ZSCAN25: variants seen among roughly 807,000 people sequenced by gnomAD.
The protein encoded by ZSCAN25 is zinc finger and SCAN domain containing 25, also known as zinc finger and SCAN domain-containing protein 25.
ZSCAN25 carries 27 observed loss-of-function variants against 38.7 expected under a neutral mutation model. The ratio of observed to expected loss-of-function variants is 0.70; its 90% CI spans 0.51 to 0.96. The LOEUF (loss-of-function observed/expected upper bound fraction) is 0.96. ZSCAN25 is among the 40% of genes least tolerant of loss of function. The pLI is 0.00. For synonymous variants in ZSCAN25, 273 were observed against 277.7 expected (o/e 0.98, Z 0.17); for missense variants, 637 against 705.9 (o/e 0.90, Z 1.11).
chr7:99,714,907 T>C, the ZSCAN25 span, among the ~76,000 whole-genome samples: 2 of 152,296 alleles, frequency 1.3e-5, no homozygotes, highest in African/African-American at 4.8e-5. Context: ...AGCAGCCCCT[T>C]CTGCATCTTT....
chr7:99,629,667 G>A lies in ZSCAN25; in HGVS notation c.1282G>A (p.Glu428Lys). The A allele has an allele frequency of 6.2e-7, 1 of 1,614,102 alleles. No homozygotes were observed. Among genetic ancestry groups the A allele is most frequent in the South Asian group, 1.1e-5 (1 of 91,086 alleles). Residue 428 changes from glutamate (E) to lysine (K), a missense_variant, in exon 8 of 8, where the codon GAG becomes AAG. By Grantham distance (56) the Glu-to-Lys change is moderately conservative. Transcript: ENST00000394152. This position sits in a 1 kb window ranked among gnomAD's most constrained non-coding sequence, Gnocchi z 5.6. ...GGTGCACCAGCGCAGCCACACTGGG[G>A]AGAAGCCCTACAAGTGCGGGGACTG... The part of the protein sequence containing the change: ...LEVHQRSHTG[E>K]KPYKCGDCWK...
chr7:99,664,196 A>T, the ZSCAN25 span: 149 of 1,022,330 alleles, frequency 1.5e-4, no homozygotes, highest in Admixed American at 2.5e-4. Context: ...TAAGAACATC[A>T]TGATTCTCAA....
At chr7:99,731,134 A>G in the ZSCAN25 span, 4 of 1,613,790 alleles carry the variant, frequency 2.5e-6, no homozygotes, top group South Asian at 1.1e-5. Context: ...TAAAAAGTCC[A>G]TGTGTACGGG....
At chr7:99,659,341 C>T in the ZSCAN25 span, 2 of 152,952 alleles carry the variant, frequency 1.3e-5, no homozygotes, top group African/African-American at 4.8e-5. Flanking sequence ...CGGAGGTCCA[C>T]TCCAGACCCT....
At chr7:99,647,884 T>C in the ZSCAN25 span, 1 of 984,336 alleles carries the variant, frequency 1.0e-6, no homozygotes, top group Non-Finnish European at 1.2e-6. Context: ...TCGCTTAATA[T>C]AAAACTTATA....
chr7:99,655,976 T>G, the ZSCAN25 span, among the ~76,000 whole-genome samples: 7 of 152,238 alleles, frequency 4.6e-5, no homozygotes, highest in Non-Finnish European at 1.0e-4. Flanking sequence ...AAGGAGATTT[T>G]GGGCTGAGAC....
At chr7:99,722,045 A>G in the ZSCAN25 span, among the ~76,000 whole-genome samples, 154 of 152,244 alleles carry the variant, frequency 1.0e-3, no homozygotes, top group African/African-American at 3.6e-3. Flanking sequence ...TCCTCCTCAT[A>G]TTTTCTGTGG....
chr7:99,652,702 T>C, the ZSCAN25 span: 1 of 1,614,132 alleles, frequency 6.2e-7, no homozygotes, highest in Non-Finnish European at 8.5e-7. Context: ...TAATAGCAAC[T>C]GGGAATAATC....
chr7:99,697,109 T>C, the ZSCAN25 span, among the ~76,000 whole-genome samples: 1 of 152,340 alleles, frequency 6.6e-6, no homozygotes, highest in Non-Finnish European at 1.5e-5. Flanking sequence ...TACAGCGATG[T>C]AGGAAAGGAC....
the ZSCAN25 span, among the ~76,000 whole-genome samples, chr7:99,686,444 A>G: frequency 1.3e-5 from 2 of 152,194 alleles, no homozygotes. Flanking sequence ...GCAAGGCGGC[A>G]GTGAGGCTGG....
the ZSCAN25 span, among the ~76,000 whole-genome samples, chr7:99,651,970 C>G: frequency 3.9e-5 from 6 of 152,124 alleles, no homozygotes; most frequent in Non-Finnish European, 8.8e-5. Context: ...GGACCTCAGC[C>G]TGCACTCTTA....
the ZSCAN25 span, chr7:99,638,832 G>A: frequency 8.7e-6 from 6 of 688,868 alleles, no homozygotes; most frequent in Admixed American, 2.4e-5. Flanking sequence ...CAACGCCGCC[G>A]CCGCTGCGAA....
At chr7:99,715,651 C>T in the ZSCAN25 span, 1 of 1,567,280 alleles carries the variant, frequency 6.4e-7, no homozygotes, top group Non-Finnish European at 8.8e-7. Context: ...TACTACAAAC[C>T]ATTAAACTGT....
At chr7:99,704,142 G>T in the ZSCAN25 span, among the ~76,000 whole-genome samples, 2 of 152,054 alleles carry the variant, frequency 1.3e-5, no homozygotes, top group Non-Finnish European at 2.9e-5. Context: ...TTAGACAGTT[G>T]GGAGTTGAGG....
chr7:99,650,736 A>ACCTTCTCCTCTGCCT, the ZSCAN25 span, among the ~76,000 whole-genome samples: 15 of 150,712 alleles, frequency 1.0e-4, 1 homozygote, highest in Admixed American at 2.7e-4. Context: ...TTCCCCGTCC[A>ACCTTCTCCTCTGCCT]CCTTCTCCTC....
the ZSCAN25 span, among the ~76,000 whole-genome samples, chr7:99,683,622 C>G: frequency 6.6e-6 from 1 of 152,166 alleles, no homozygotes; most frequent in Non-Finnish European, 1.5e-5. Flanking sequence ...CCTTCCCACT[C>G]ATGGATGCCC....
the ZSCAN25 span, among the ~76,000 whole-genome samples, chr7:99,638,923 C>T: frequency 6.6e-6 from 1 of 152,216 alleles, no homozygotes; most frequent in East Asian, 1.9e-4. Flanking sequence ...GTCGCTCACT[C>T]GGGCATCACC....
At chr7:99,720,331 A>G in the ZSCAN25 span, 2 of 1,613,342 alleles carry the variant, frequency 1.2e-6, no homozygotes, top group Admixed American at 3.3e-5. Context: ...TTGTGAAGAC[A>G]GAATAACATT....
chr7:99,630,353 G>T lies in ZSCAN25; in HGVS notation c.*333G>T. ...AAAGGCAAAACCTTGACACGTGTTGGTAGCTGGGACCTCATCTTCCTGAGG... is the reference window on the plus strand; with the variant it reads ...AAAGGCAAAACCTTGACACGTGTTGTTAGCTGGGACCTCATCTTCCTGAGG... On this transcript the variant is annotated 3_prime_UTR_variant, in exon 8 of 8. Transcript: ENST00000394152. 9.1e-7 allele frequency: 1 copy of T among 1,094,110 alleles called. No individual in the cohort carries two copies. The highest frequency in any genetic ancestry group is 1.1e-6 in the Non-Finnish European group (1 of 898,718). 67.8% of individuals were successfully genotyped at this position (1,094,110 alleles called of 1,614,324 possible).
Sources: allele counts gnomAD v4.1 joint callset (sites outside exome capture counted in the v4.1 genomes callset), GRCh38; gene constraint gnomAD v4.1.1; non-coding constraint Gnocchi (gnomAD v3.1); transcripts MANE v1.5; gene names NCBI Gene and HGNC (gene_info 2026-07-23, HGNC 2026-07-21).